PKD2: variants seen among roughly 807,000 people sequenced by gnomAD.
The protein encoded by PKD2 is polycystin 2, transient receptor potential cation channel, also known as polycystin-2.
PKD2 carries 48 observed loss-of-function variants against 105.9 expected under a neutral mutation model. The ratio of observed to expected loss-of-function variants is 0.45; its 90% CI spans 0.36 to 0.58. The LOEUF is 0.58. PKD2 is among the 20% of genes least tolerant of loss of function. The pLI is 0.00. For missense variants in PKD2, 1,078 were observed against 1,255.3 expected, an observed-to-expected ratio of 0.86 and a Z score of 2.13; for synonymous variants, 464 against 481.1, an observed-to-expected ratio of 0.96 and a Z score of 0.46.
intron 10 of PKD2, among the ~76,000 whole-genome samples, chr4:88,063,421 C>G (rs930693706): frequency 6.6e-6 from 1 of 151,872 alleles, no homozygotes; most frequent in South Asian, 2.1e-4. Context: ...ATCCCAGCTA[C>G]TGGGGAGGCT....
In PKD2 at chr4:88,065,920, A is replaced by T. The variant is rs989405071; in HGVS notation, c.2358+41A>T. The T allele has an allele frequency of 3.8e-6, 4 of 1,045,732 alleles. No homozygotes were observed. In the African/African-American group the frequency reaches 4.7e-5, roughly 12 times the overall value. The allele number at this position is 1,045,732 out of a possible 1,614,324, so 64.8% of individuals were successfully genotyped here. On this transcript the variant is annotated intron_variant, in intron 12 of 14. Transcript: ENST00000237596. ...GAGAACCGGATTTGATTTGGTACCT[A>T]CAACACCACAGATGTATCAAACACT...
chr4:88,009,938 G>A (rs562571402), intron 1 of PKD2, among the ~76,000 whole-genome samples: 132 of 152,054 alleles, frequency 8.7e-4, no homozygotes, highest in African/African-American at 3.1e-3. Flanking sequence ...AGAATATAGA[G>A]AAATAAAATA....
chr4:88,045,782 A>T (rs937318733), intron 5 of PKD2, among the ~76,000 whole-genome samples: 9 of 142,822 alleles, frequency 6.3e-5, no homozygotes, highest in Non-Finnish European at 1.0e-4. Flanking sequence ...CCACCTATTA[A>T]CTATAAGGCT....
intron 6 of PKD2, among the ~76,000 whole-genome samples, chr4:88,049,897 GA>G (rs1337200424): frequency 6.7e-6 from 1 of 149,578 alleles, no homozygotes; most frequent in African/African-American, 2.5e-5. Context: ...AGAATTACTT[GA>G]AAAAAAGAAG....
At chr4:88,041,446 G>T (rs1267388907) in intron 4 of PKD2, among the ~76,000 whole-genome samples, 4 of 152,150 alleles carry the variant, frequency 2.6e-5, no homozygotes, top group African/African-American at 9.7e-5. Flanking sequence ...TACAGCTAAG[G>T]TTTATTATGG....
At chr4:88,033,260 C>G (rs1027421768) in intron 2 of PKD2, among the ~76,000 whole-genome samples, 1 of 152,102 alleles carries the variant, frequency 6.6e-6, no homozygotes, top group East Asian at 1.9e-4. Context: ...AACCCCGTCT[C>G]TACAAAAAAT....
At chr4:88,021,380 T>C (rs749835590) in intron 2 of PKD2, among the ~76,000 whole-genome samples, 4 of 152,228 alleles carry the variant, frequency 2.6e-5, no homozygotes, top group African/African-American at 4.8e-5. Context: ...TTAGGAAATA[T>C]GCCTAAAGTC....
intron 2 of PKD2, among the ~76,000 whole-genome samples, chr4:88,024,469 AAAAAAAAAAAAAAG>A (rs1325283786): frequency 4.7e-5 from 7 of 150,092 alleles, no homozygotes; most frequent in African/African-American, 1.7e-4. Context: ...AAAAAAAAAA[AAAAAAAAAAAAAAG>A]AAAGAAAGAA....
intron 13 of PKD2, among the ~76,000 whole-genome samples, chr4:88,074,606 C>T (rs919736928): frequency 5.3e-5 from 8 of 152,166 alleles, no homozygotes; most frequent in Non-Finnish European, 1.0e-4. Context: ...TTCTGATACG[C>T]GCTGACTTGC....
Position 88,007,707 on chromosome 4 carries a change from C to A in PKD2, c.-27C>A, listed in dbSNP as rs769289594. Reference sequence around the variant, plus strand: ...ACAGCGCCGAGCGCGGCGCCGCGCACCCGCGCGCCGGACGCCAGTGACCGC... The same window carrying A: ...ACAGCGCCGAGCGCGGCGCCGCGCAACCGCGCGCCGGACGCCAGTGACCGC... On this transcript the variant is annotated 5_prime_UTR_variant, in exon 1 of 15. Transcript: ENST00000237596. 5 of 1,178,204 alleles carry A rather than the reference C, an allele frequency of 4.2e-6. No individual in the cohort carries two copies. The South Asian group carries it at 1.2e-4, about 29-fold the overall frequency. 73.0% of individuals were successfully genotyped at this position (1,178,204 alleles called of 1,614,324 possible).
intron 1 of PKD2, among the ~76,000 whole-genome samples, chr4:88,012,221 C>T (rs557831741): frequency 3.8e-4 from 58 of 152,180 alleles, no homozygotes; most frequent in Non-Finnish European, 6.6e-4. Context: ...TCACAACAAC[C>T]TGTGAAGAAA....
At chr4:88,038,690 T>G (rs1727434377) in intron 4 of PKD2, among the ~76,000 whole-genome samples, 189 bp downstream of exon 4, 1 of 152,222 alleles carries the variant, frequency 6.6e-6, no homozygotes, top group Non-Finnish European at 1.5e-5. Flanking sequence ...CTTCTTAGCC[T>G]TCTTTTAGTT....
At chr4:88,025,408 C>A (rs947952539) in intron 2 of PKD2, among the ~76,000 whole-genome samples, 1 of 151,890 alleles carries the variant, frequency 6.6e-6, no homozygotes, top group Non-Finnish European at 1.5e-5. Context: ...TAGACCACTG[C>A]ACTCCAGCCT....
chr4:88,016,008 A>T (rs1391540290), intron 1 of PKD2, among the ~76,000 whole-genome samples: 2 of 152,182 alleles, frequency 1.3e-5, no homozygotes, highest in African/African-American at 4.8e-5. Flanking sequence ...ATCATCAGGC[A>T]TTAGTGAGAT....
In PKD2 at chr4:88,052,051, C is replaced by A; in HGVS notation, c.1609C>A (p.Gln537Lys). The change falls in exon 7 of 15, where the codon CAG becomes AAG. Residue 537 changes from glutamine (Q) to lysine (K), a missense_variant. By Grantham distance (53) the Gln-to-Lys change is moderately conservative (BLOSUM62 1). Around this residue, in one of 2 missense-constraint regions of PKD2, gnomAD observed 868 missense variants for 1,067.3 expected, o/e 0.81. Coordinates refer to ENST00000237596, the MANE Select transcript of PKD2 (RefSeq NM_000297.4). The stretch of plus-strand genomic sequence containing the variant: ...AACATCAAATGTGGAGGTGCTACTA[C>A]AGTTTCTGGAAGATCAAAATACTTT... Reference protein sequence around the residue: ...YRTSNVEVLLQFLEDQNTFPN... With the variant: ...YRTSNVEVLLKFLEDQNTFPN... 1 of 1,601,724 alleles carries A rather than the reference C, an allele frequency of 6.2e-7. No individual in the cohort carries two copies. Among genetic ancestry groups the A allele is most frequent in the Non-Finnish European group, 8.6e-7 (1 of 1,168,934 alleles).
intron 1 of PKD2, among the ~76,000 whole-genome samples, chr4:88,016,182 A>G (rs1323892462): frequency 1.3e-5 from 2 of 152,142 alleles, no homozygotes; most frequent in Non-Finnish European, 2.9e-5. Flanking sequence ...CCCGGTTCCT[A>G]ACAGGCCATG....
rs58367813 is a variant in PKD2, at chr4:88,028,547, G to C, written c.710-7673G>C. Among the ~76,000 whole-genome samples, 1,357 of 152,334 alleles carry C rather than the reference G, an allele frequency of 8.9e-3. 17 individuals carry two copies. The highest frequency in any genetic ancestry group is 0.03 in the African/African-American group (1,263 of 41,568). The stretch of plus-strand genomic sequence containing the variant: ...AATTTTAAAATGACAAGAAATAGAA[G>C]ATGTATAAATGTACTTTAAATGTGA... On this transcript the variant is annotated intron_variant, in intron 2 of 14. Transcript: ENST00000237596.
chr4:88,073,149 A>G lies in PKD2; in HGVS notation c.2523-1663A>G, dbSNP rs367589518. ...GAGTATCACTTGACGCTAGGAGTTC[A>G]AGACCAACCTGGGTAACATAGCGAG... On this transcript the variant is annotated intron_variant, in intron 13 of 14. Transcript: ENST00000237596. Among the ~76,000 whole-genome samples, 90 of 150,588 alleles carry G rather than the reference A, an allele frequency of 6.0e-4. No individual in the cohort carries two copies. The South Asian group carries it at 9.1e-3, about 15-fold the overall frequency.
chr4:88,019,587 C>T lies in PKD2; in HGVS notation c.709+16C>T, dbSNP rs372861862. ...TTGTGCATCTGTAAGTAGAATATTT[C>T]CTTGCACTAATGGGAAAGTTTTGAA... is the stretch of plus-strand genomic sequence containing the variant. On this transcript the variant is annotated intron_variant, in intron 2 of 14. Coordinates refer to ENST00000237596, the MANE Select transcript of PKD2 (RefSeq NM_000297.4). 9.3e-6 allele frequency: 12 copies of T among 1,283,508 alleles called. No individual in the cohort carries two copies. Among genetic ancestry groups the T allele is most frequent in the African/African-American group, 4.4e-5 (3 of 68,514 alleles). The allele number at this position is 1,283,508 out of a possible 1,614,324, so 79.5% of individuals were successfully genotyped here.
Sources: allele counts gnomAD v4.1 joint callset (sites outside exome capture counted in the v4.1 genomes callset), GRCh38; gene constraint gnomAD v4.1.1; regional missense constraint gnomAD v4.1.1; transcripts MANE v1.5; gene names NCBI Gene and HGNC (gene_info 2026-07-23, HGNC 2026-07-21).